DDAH1: variants seen among roughly 807,000 people sequenced by gnomAD.
The protein encoded by DDAH1 is N(G),N(G)-dimethylarginine dimethylaminohydrolase 1.
Under a neutral mutation model 28.8 loss-of-function variants are expected in DDAH1, and 19 were observed. That is an observed-to-expected ratio of 0.66 (90% CI 0.46 to 0.97). The LOEUF is 0.97. Among genes scored for constraint, DDAH1 ranks in the 50% least tolerant of loss-of-function variants. The pLI is 0.00. For missense variants in DDAH1, 326 were observed against 375.9 expected (o/e 0.87, Z 1.10); for synonymous variants, 153 against 154.4 (o/e 0.99, Z 0.07).
chr1:85,332,904 GCCCATT>G (rs1647865540), intron 4 of DDAH1, among the ~76,000 whole-genome samples: 2 of 152,124 alleles, frequency 1.3e-5, no homozygotes, highest in Non-Finnish European at 2.9e-5. Context: ...GGGCTGCCCA[GCCCATT>G]GCAGCCACCG....
intron 1 of DDAH1, among the ~76,000 whole-genome samples, chr1:85,573,271 C>A (rs181639579): frequency 1.8e-4 from 28 of 152,314 alleles, no homozygotes; most frequent in African/African-American, 6.3e-4. Context: ...GTGCCCAGAG[C>A]AAATCCTTTC....
chr1:85,536,365 C>T (rs1466258905), intron 1 of DDAH1, among the ~76,000 whole-genome samples: 4 of 151,544 alleles, frequency 2.6e-5, no homozygotes, highest in African/African-American at 7.3e-5. Flanking sequence ...CCATCCTGGC[C>T]AACATGGTGA....
intron 1 of DDAH1, among the ~76,000 whole-genome samples, chr1:85,571,919 C>T (rs1659467637): frequency 6.6e-6 from 1 of 151,930 alleles, no homozygotes; most frequent in African/African-American, 2.4e-5. Context: ...GCAACCCCCA[C>T]CCCACCCAAC....
At chr1:85,505,904 C>A (rs1454225428) in intron 1 of DDAH1, among the ~76,000 whole-genome samples, 3 of 152,096 alleles carry the variant, frequency 2.0e-5, no homozygotes, top group South Asian at 2.1e-4. Flanking sequence ...GCCATAGAAG[C>A]CATGTCCTAA....
At chr1:85,562,143 C>A (rs1293840915) in intron 1 of DDAH1, among the ~76,000 whole-genome samples, 1 of 151,048 alleles carries the variant, frequency 6.6e-6, no homozygotes, top group Non-Finnish European at 1.5e-5. Flanking sequence ...CAAGGTAGAA[C>A]AAAAGGCCAA....
At chr1:85,504,961 C>CTTTTTT (rs61209793) in intron 1 of DDAH1, among the ~76,000 whole-genome samples, 2 of 60,778 alleles carry the variant, frequency 3.3e-5, no homozygotes, top group African/African-American at 1.4e-4. Context: ...CTCAATGATT[C>CTTTTTT]TTTTTTTTTT....
chr1:85,395,523 T>G (rs1251568090), intron 1 of DDAH1, among the ~76,000 whole-genome samples: 1 of 151,746 alleles, frequency 6.6e-6, no homozygotes, highest in Non-Finnish European at 1.5e-5. Context: ...AAATACAAAA[T>G]CAGCTGGGCG....
intron 1 of DDAH1, chr1:85,398,593 C>T (rs1651921305): frequency 6.6e-6 from 1 of 152,144 alleles, no homozygotes; most frequent in African/African-American, 2.4e-5. Context: ...ATGTGCGTGC[C>T]ATACAGAGAG....
At chr1:85,483,985 C>A (rs796138120) in intron 2 of DDAH1, among the ~76,000 whole-genome samples, 4 of 152,090 alleles carry the variant, frequency 2.6e-5, no homozygotes, top group African/African-American at 7.2e-5. Flanking sequence ...TTGTTTTAAC[C>A]CCAGGAGGGA....
At chr1:85,400,438 G>A (rs143870613) in intron 1 of DDAH1, among the ~76,000 whole-genome samples, 16 of 151,886 alleles carry the variant, frequency 1.1e-4, no homozygotes, top group Admixed American at 3.3e-4. Context: ...TCCTGATCTC[G>A]GGTGATCTGC....
chr1:85,491,010 C>T (rs1446361197), intron 2 of DDAH1, among the ~76,000 whole-genome samples: 2 of 149,890 alleles, frequency 1.3e-5, no homozygotes, highest in Non-Finnish European at 3.0e-5. Flanking sequence ...GCCCAATACA[C>T]TTCCCTCTCT....
intron 1 of DDAH1, among the ~76,000 whole-genome samples, chr1:85,577,117 G>A (rs981319178): frequency 1.3e-5 from 2 of 152,140 alleles, no homozygotes; most frequent in African/African-American, 4.8e-5. Context: ...CGCGCGGGCG[G>A]GGTGGCCGGC....
intron 2 of DDAH1, among the ~76,000 whole-genome samples, chr1:85,481,581 A>G (rs546635736): frequency 1.3e-5 from 2 of 152,238 alleles, no homozygotes; most frequent in Non-Finnish European, 2.9e-5. Flanking sequence ...TTTACACATT[A>G]TAAACCAGCT....
chr1:85,389,453 A>G (rs1048557907), intron 1 of DDAH1, among the ~76,000 whole-genome samples: 2 of 152,128 alleles, frequency 1.3e-5, no homozygotes, highest in African/African-American at 2.4e-5. Flanking sequence ...ACTCTGTGCT[A>G]CTTCCAGCAC....
At chr1:85,540,960 TAA>T (rs140965112) in intron 1 of DDAH1, among the ~76,000 whole-genome samples, 232 of 106,686 alleles carry the variant, frequency 2.2e-3, no homozygotes, top group East Asian at 4.8e-3. Context: ...ACTCAGTATC[TAA>T]AAAAAAAAAA....
rs373149957 is a variant in DDAH1, at chr1:85,350,538, C to G, written c.478-4G>C. On this transcript the variant is annotated splice_region_variant and splice_polypyrimidine_tract_variant and intron_variant, in intron 3 of 5. Transcript: ENST00000284031. The stretch of plus-strand genomic sequence containing the variant: ...GCACTGTGGAGACTGCATAGTCCTA[C>G]GTGGACAATAGAAAAACAAGCAGTT... The G allele has an allele frequency of 6.2e-7, 1 of 1,610,442 alleles. No homozygotes were observed. Among genetic ancestry groups the G allele is most frequent in the South Asian group, 1.1e-5 (1 of 90,328 alleles).
intron 1 of DDAH1, among the ~76,000 whole-genome samples, chr1:85,565,689 T>C (rs1276124949): frequency 6.6e-6 from 1 of 152,054 alleles, no homozygotes; most frequent in Non-Finnish European, 1.5e-5. Context: ...GAAGCAAAAA[T>C]AATACCTAAA....
chr1:85,480,722 C>T (rs961415115), intron 2 of DDAH1, among the ~76,000 whole-genome samples: 5 of 151,306 alleles, frequency 3.3e-5, no homozygotes, highest in Non-Finnish European at 5.9e-5. Context: ...CCAACCTGGG[C>T]GATAGAGCAA....
intron 1 of DDAH1, among the ~76,000 whole-genome samples, chr1:85,448,464 C>T (rs1317596078): frequency 6.6e-6 from 1 of 152,084 alleles, no homozygotes; most frequent in Non-Finnish European, 1.5e-5. Context: ...CTCCTTGTAC[C>T]ACCCCCCTTT....
Sources: gnomAD v4.1 joint callset for allele counts (sites outside exome capture counted in the v4.1 genomes callset) on GRCh38, gnomAD v4.1.1 for gene constraint, MANE v1.5 for transcripts, NCBI Gene and HGNC (gene_info 2026-07-23, HGNC 2026-07-21) for gene names.